Variants in PRSS41 observed in about 807,000 individuals in gnomAD.
The protein encoded by PRSS41 is protease, serine 41.
A neutral mutation model predicts 28.8 loss-of-function variants in PRSS41; 37 were observed. The observed-to-expected ratio is 1.29, with a 90% CI of 0.99 to 1.69. The LOEUF is 1.69. Among genes scored for constraint, PRSS41 ranks in the 40% most tolerant of loss-of-function variants. PRSS41 has a pLI of 0.00. For synonymous variants in PRSS41, 195 were observed against 163.1 expected (o/e 1.20, Z -1.49); for missense variants, 431 against 400.7 (o/e 1.08, Z -0.65).
At chr16:2,801,212 A>T (rs968329652) in intron 4 of PRSS41, among the ~76,000 whole-genome samples, 9 of 152,192 alleles carry the variant, frequency 5.9e-5, no homozygotes, top group African/African-American at 1.9e-4. Context: ...TCTCCCACCA[A>T]TTCTGTCAAT....
intron 4 of PRSS41, among the ~76,000 whole-genome samples, chr16:2,800,995 C>T (rs956744102): frequency 7.2e-5 from 11 of 152,080 alleles, no homozygotes; most frequent in African/African-American, 1.7e-4. Context: ...AACATAGTGT[C>T]TCCAAGGTTC....
At chr16:2,802,197 C>T (rs1338158911) in intron 4 of PRSS41, among the ~76,000 whole-genome samples, 3 of 151,396 alleles carry the variant, frequency 2.0e-5, no homozygotes, top group African/African-American at 7.3e-5. Flanking sequence ...TCCTCACCTC[C>T]CAGACAGGGT....
At chr16:2,798,720 G>T in intron 2 of PRSS41, 58 bp downstream of exon 2, 1 of 1,376,606 alleles carries the variant, frequency 7.3e-7, no homozygotes, top group South Asian at 1.5e-5. Context: ...GTGCACGGGG[G>T]CCCATCTACT....
At chr16:2,804,537 C>T (rs1474257083) in exon 5 of PRSS41, 2 of 1,550,612 alleles carry the variant, frequency 1.3e-6, no homozygotes, top group Non-Finnish European at 1.7e-6. Flanking sequence ...GCAGTGTAGA[C>T]ACCTGCAAAG....
exon 5 of PRSS41, chr16:2,804,524 A>G: frequency 6.4e-7 from 1 of 1,551,068 alleles, no homozygotes; most frequent in Non-Finnish European, 8.7e-7. Context: ...GGTGCTGAGG[A>G]TGGCAGTGTA....
exon 6 of PRSS41, chr16:2,805,040 T>C (rs1169080546): frequency 6.4e-7 from 1 of 1,557,088 alleles, no homozygotes; most frequent in South Asian, 1.2e-5. Context: ...CAGTGTGTAC[T>C]TCCACTGGAT....
At chr16:2,801,187 G>A (rs892452420) in intron 4 of PRSS41, among the ~76,000 whole-genome samples, 1 of 152,146 alleles carries the variant, frequency 6.6e-6, no homozygotes, top group Non-Finnish European at 1.5e-5. Context: ...AACTATTGTT[G>A]TAGAACTGTC....
rs1005479781 is a variant in PRSS41, at chr16:2,798,901, C to G, written c.92-58C>G. On this transcript the variant is annotated intron_variant, in intron 2 of 5. Transcript: ENST00000399677. ...CACCCCGGGGCAAAGCCGGGCAGGG[C>G]GGGCCTGCCCACCCCACCCCACCCG... 9 of 1,466,234 alleles carry G rather than the reference C, an allele frequency of 6.1e-6. No individual in the cohort carries two copies. The South Asian group carries it at 1.2e-4, about 19-fold the overall frequency. The allele number at this position is 1,466,234 out of a possible 1,614,324, so 90.8% of individuals were successfully genotyped here. A position where few individuals can be genotyped will look rare whatever the true frequency, so the allele number is the denominator to read the frequency against.
intron 5 of PRSS41, 33 bp downstream of exon 5, chr16:2,804,579 C>T (rs1596310351): frequency 6.5e-7 from 1 of 1,545,088 alleles, no homozygotes; most frequent in South Asian, 1.2e-5. Flanking sequence ...GGAATCCCAC[C>T]CTCTCCAGCT....
At chr16:2,799,055 G>A in exon 3 of PRSS41, 1 of 1,533,752 alleles carries the variant, frequency 6.5e-7, no homozygotes, top group Non-Finnish European at 8.7e-7. Flanking sequence ...CGCCTGAGGA[G>A]ACGCCACCGA....
intron 3 of PRSS41, 79 bp from the exon 4 acceptor site, chr16:2,799,207 T>TCAGGGA: frequency 6.6e-7 from 1 of 1,518,116 alleles, no homozygotes. Flanking sequence ...CAGCTTGGCC[T>TCAGGGA]CAGGGACTGG....
At chr16:2,804,517 G>A (rs2069008300) in exon 5 of PRSS41, 1 of 1,551,254 alleles carries the variant, frequency 6.4e-7, no homozygotes, top group Non-Finnish European at 8.7e-7. Context: ...TTGTGCTGGT[G>A]CTGAGGATGG....
chr16:2,801,535 A>C (rs61578075), intron 4 of PRSS41, among the ~76,000 whole-genome samples: 5 of 151,446 alleles, frequency 3.3e-5, no homozygotes, highest in African/African-American at 7.3e-5. Context: ...AGGGATTGGT[A>C]ATGACTCTTA....
rs377317658 is a variant in PRSS41 at position 2,799,436 on chromosome 16, C to T, written c.408C>T (p.Ala136=). ...TTGGGGTTTTACGCAATGACATTGC[C>T]CTGCTGAGACTGGCCTCTTCTGTCA... The change falls in exon 4 of 6, where the codon GCC becomes GCT. Residue 136 remains alanine, a synonymous_variant. Coordinates refer to ENST00000399677, the Ensembl canonical transcript of PRSS41. 4.9e-5 allele frequency: 76 copies of T among 1,552,050 alleles called. 1 individual carries two copies. In the African/African-American group the frequency reaches 1.0e-3, roughly 21 times the overall value.
At chr16:2,801,702 T>C (rs2068987162) in intron 4 of PRSS41, among the ~76,000 whole-genome samples, 1 of 151,992 alleles carries the variant, frequency 6.6e-6, no homozygotes, top group Non-Finnish European at 1.5e-5. Context: ...GAATTTTTCT[T>C]AGTGCAGAAC....
intron 4 of PRSS41, among the ~76,000 whole-genome samples, chr16:2,801,893 C>T (rs1422154359): frequency 2.0e-5 from 3 of 152,134 alleles, no homozygotes; most frequent in South Asian, 2.1e-4. Flanking sequence ...GGCAGAGGGG[C>T]TCCTCACTTC....
At chr16:2,802,809 G>T (rs866703134) in intron 4 of PRSS41, among the ~76,000 whole-genome samples, 5,003 of 152,112 alleles carry the variant, frequency 0.033, 186 homozygotes, top group African/African-American at 0.087. Context: ...GCAGTGAGCC[G>T]AGATGGCAGC....
intron 4 of PRSS41, among the ~76,000 whole-genome samples, chr16:2,802,770 C>CTGAG (rs1187175175): frequency 6.6e-6 from 1 of 152,068 alleles, no homozygotes; most frequent in Admixed American, 6.6e-5. Context: ...ACTCGGCAGG[C>CTGAG]TGAGGCAGGA....
chr16:2,804,460 C>G (rs760469625), exon 5 of PRSS41: 1 of 1,551,662 alleles, frequency 6.4e-7, no homozygotes, highest in Non-Finnish European at 8.7e-7. Context: ...GTGTAATTAC[C>G]TGTTTGAACA....
Sources: allele counts gnomAD v4.1 joint callset (sites outside exome capture counted in the v4.1 genomes callset), GRCh38; gene constraint gnomAD v4.1.1; transcripts MANE v1.5; gene names NCBI Gene and HGNC (gene_info 2026-07-23, HGNC 2026-07-21).